The following B4GALNT3 variants were observed in gnomAD, a reference collection of about 807,000 sequenced individuals.
B4GALNT3 encodes the protein beta-1,4-N-acetyl-galactosaminyltransferase 3.
In B4GALNT3, 86 loss-of-function variants were observed where a neutral mutation model predicts 120.2. The observed-to-expected ratio is 0.72, with a 90% CI of 0.60 to 0.86. The LOEUF (loss-of-function observed/expected upper bound fraction) is 0.86. B4GALNT3 is among the 40% of genes least tolerant of loss of function. The pLI is 0.00. For synonymous variants in B4GALNT3, 518 were observed against 510.4 expected (o/e 1.01, Z -0.20); for missense variants, 1,167 against 1,298.9 (o/e 0.90, Z 1.56).
intron 1 of B4GALNT3, among the ~76,000 whole-genome samples, chr12:524,303 G>C (rs1946740882): frequency 6.6e-6 from 1 of 152,230 alleles, no homozygotes; most frequent in South Asian, 2.1e-4. Context: ...ACCTCAGTTT[G>C]ACTTTGGCAA....
Position 557,648 on chromosome 12 carries a change from C to G in B4GALNT3, c.2421C>G (p.Asp807Glu). Residue 807 changes from aspartate (D) to glutamate (E), a missense_variant, in exon 16 of 20, where the codon GAC becomes GAG. Asp to Glu is a conservative substitution (Grantham distance 45). Around this residue, in one of 3 missense-constraint regions of B4GALNT3, gnomAD observed 983 missense variants for 1,102.5 expected, o/e 0.89. Transcript: ENST00000266383. ...GCTGGGTACAGCAATTCATCAAAGA[C>G]ATGGAAAACCTGTTCCAGGTCACCG... ...QARWVQQFIKDMENLFQVTGD... is the reference protein window; with the variant it reads ...QARWVQQFIKEMENLFQVTGD... 6.2e-7 allele frequency: 1 copy of G among 1,611,904 alleles called. No individual in the cohort carries two copies. The highest frequency in any genetic ancestry group is 2.2e-5 in the East Asian group (1 of 44,776).
intron 1 of B4GALNT3, among the ~76,000 whole-genome samples, chr12:503,905 A>G (rs1315401449): frequency 6.6e-6 from 1 of 152,202 alleles, no homozygotes; most frequent in Non-Finnish European, 1.5e-5. Context: ...GCCTGAGGTC[A>G]GGATTTCGAG....
intron 1 of B4GALNT3, among the ~76,000 whole-genome samples, chr12:462,845 T>A (rs1445726524): frequency 2.0e-5 from 3 of 152,224 alleles, no homozygotes; most frequent in African/African-American, 7.2e-5. Context: ...ACATCTTGCA[T>A]CAAAGTTCCC....
At chr12:556,961 C>A in intron 15 of B4GALNT3, 95 bp downstream of exon 15, 1 of 1,319,648 alleles carries the variant, frequency 7.6e-7, no homozygotes, top group Non-Finnish European at 1.0e-6. Flanking sequence ...ATCCCATAAG[C>A]ACTTCTGAGA....
At chr12:479,574 A>G (rs1227398758) in intron 1 of B4GALNT3, among the ~76,000 whole-genome samples, 1 of 152,116 alleles carries the variant, frequency 6.6e-6, no homozygotes, top group African/African-American at 2.4e-5. Context: ...GACTCTCGAT[A>G]AGGGGGAAGT....
chr12:503,796 T>A (rs1946466666), intron 1 of B4GALNT3, among the ~76,000 whole-genome samples: 1 of 152,172 alleles, frequency 6.6e-6, no homozygotes, highest in African/African-American at 2.4e-5. Context: ...TTGACACTGT[T>A]GACCACCTAC....
Position 549,910 on chromosome 12 carries a change from G to A in B4GALNT3, c.995G>A (p.Arg332Gln), listed in dbSNP as rs764421029. 5.0e-6 allele frequency: 8 copies of A among 1,611,416 alleles called. No individual in the cohort carries two copies. The highest frequency in any genetic ancestry group is 1.1e-5 in the South Asian group (1 of 90,730). ...LRPDPRDTLY[R>Q]VPLIPKSHLR... ...CCTGACCCCCGGGACACCCTCTATC[G>A]AGGTAAGGCCTCGGCCAGCGCTTGG... is the stretch of plus-strand genomic sequence containing the variant. The change falls in exon 10 of 20, where the codon CGA becomes CAA. Residue 332 changes from arginine to glutamine, a missense_variant and splice_region_variant. By Grantham distance (43) the Arg-to-Gln change is conservative. Around this residue, in one of 3 missense-constraint regions of B4GALNT3, gnomAD observed 983 missense variants for 1,102.5 expected, o/e 0.89. Transcript: ENST00000266383.
At chr12:547,538 G>A (rs1435845632) in intron 7 of B4GALNT3, among the ~76,000 whole-genome samples, 3 of 152,062 alleles carry the variant, frequency 2.0e-5, no homozygotes, top group South Asian at 4.2e-4. Context: ...GAGCACTCGC[G>A]TGCCAGCTGC....
chr12:549,724 C>T, intron 9 of B4GALNT3, 45 bp from the exon 10 acceptor site: 3 of 1,612,558 alleles, frequency 1.9e-6, no homozygotes, highest in Non-Finnish European at 2.5e-6. Flanking sequence ...GGCTGCTGCG[C>T]TCCAGGCCAC....
Position 540,933 on chromosome 12 carries a change from T to C in B4GALNT3, c.352-3406T>C, listed in dbSNP as rs568907746. 7.7e-4 allele frequency among the ~76,000 whole-genome samples: 117 copies of C among 152,084 alleles called. 1 individual carries two copies. Among genetic ancestry groups the C allele is most frequent in the East Asian group, 4.1e-3 (21 of 5,162 alleles). The stretch of plus-strand genomic sequence containing the variant: ...TAATTTTTTGTATTTTTAGTAGAGA[T>C]GGGGTTTCACCATGTTAGCCAGGAT... On this transcript the variant is annotated intron_variant, in intron 3 of 19. Coordinates refer to ENST00000266383, the MANE Select transcript of B4GALNT3 (RefSeq NM_173593.4).
chr12:516,607 C>T (rs960581546), intron 1 of B4GALNT3, among the ~76,000 whole-genome samples: 3 of 152,148 alleles, frequency 2.0e-5, no homozygotes, highest in African/African-American at 7.2e-5. Flanking sequence ...AAAGCAGGTA[C>T]CATTAATAAT....
intron 4 of B4GALNT3, 54 bp downstream of exon 4, chr12:544,488 C>G: frequency 1.4e-6 from 2 of 1,442,244 alleles, no homozygotes; most frequent in South Asian, 2.3e-5. Flanking sequence ...CCTCCTCTGC[C>G]CACTTCTGTC....
intron 1 of B4GALNT3, among the ~76,000 whole-genome samples, chr12:474,002 G>A (rs1946160865): frequency 6.6e-6 from 1 of 152,148 alleles, no homozygotes; most frequent in South Asian, 2.1e-4. Flanking sequence ...AAGGGTGTCA[G>A]GATTACAAAG....
chr12:463,414 T>C (rs1251489810), intron 1 of B4GALNT3, among the ~76,000 whole-genome samples: 2 of 152,196 alleles, frequency 1.3e-5, no homozygotes, highest in Non-Finnish European at 2.9e-5. Context: ...CCTTAACAAA[T>C]AGAAAATTGA....
chr12:521,222 C>G (rs141576528), intron 1 of B4GALNT3, among the ~76,000 whole-genome samples: 4 of 152,302 alleles, frequency 2.6e-5, no homozygotes, highest in Non-Finnish European at 5.9e-5. Context: ...CATCACCCTC[C>G]TGATGTAGCC....
At position 550,840 on chromosome 12, in the gene B4GALNT3, AG is replaced by A; in HGVS notation, c.998-79del. The A allele has an allele frequency of 1.8e-6, 2 of 1,128,026 alleles. No individual in the cohort carries two copies. The highest frequency in any genetic ancestry group is 2.6e-6 in the Non-Finnish European group (2 of 771,630). 69.9% of individuals were successfully genotyped at this position (1,128,026 alleles called of 1,614,324 possible). A position where few individuals can be genotyped will look rare whatever the true frequency, so the allele number is the denominator to read the frequency against. ...ACAGCTGCCGCTTGCGAATACAGAA[AG>A]GGCCCTGCTCAGGGCAGAGGACTTC... On this transcript the variant is annotated intron_variant, in intron 10 of 19. Transcript: ENST00000266383. This position sits in a 1 kb window ranked among gnomAD's most constrained non-coding sequence, Gnocchi z 4.1.
intron 1 of B4GALNT3, among the ~76,000 whole-genome samples, chr12:512,225 T>TCTGC (rs1555155143): frequency 9.6e-5 from 5 of 52,218 alleles, no homozygotes; most frequent in Non-Finnish European, 1.8e-4. Flanking sequence ...CCTTCCACCT[T>TCTGC]CTTCCACCTT....
At chr12:545,200 C>A in intron 5 of B4GALNT3, 169 bp from the exon 6 acceptor site, 1 of 1,448,180 alleles carries the variant, frequency 6.9e-7, no homozygotes. Flanking sequence ...TATAAGTCTT[C>A]TCCATCTTCA....
rs188540733 is a variant in B4GALNT3 at position 514,617 on chromosome 12, C to G, written c.170-20549C>G. On this transcript the variant is annotated intron_variant, in intron 1 of 19. Transcript: ENST00000266383. Reference sequence around the variant, plus strand: ...GGGAGGCAGAGAAGGAGAAGAGATGCTTTTTTTTCTTATTTATGTCTGATC... The same window carrying G: ...GGGAGGCAGAGAAGGAGAAGAGATGGTTTTTTTTCTTATTTATGTCTGATC... Among the ~76,000 whole-genome samples the G allele has an allele frequency of 6.0e-4, 91 of 152,072 alleles. No homozygotes were observed. In the South Asian group the frequency reaches 7.9e-3, roughly 13 times the overall value.
Sources: allele counts gnomAD v4.1 joint callset (sites outside exome capture counted in the v4.1 genomes callset), GRCh38; gene constraint gnomAD v4.1.1; regional missense constraint gnomAD v4.1.1; non-coding constraint Gnocchi (gnomAD v3.1); transcripts MANE v1.5; gene names NCBI Gene and HGNC (gene_info 2026-07-23, HGNC 2026-07-21).